KDM4C: variants seen among roughly 807,000 people sequenced by gnomAD.
KDM4C encodes lysine-specific demethylase 4C.
Under a neutral mutation model 129.3 loss-of-function variants are expected in KDM4C, and 81 were observed. The observed-to-expected ratio is 0.63, with a 90% confidence interval of 0.52 to 0.75. KDM4C has a LOEUF of 0.75. Among genes scored for constraint, KDM4C ranks in the 30% least tolerant of loss-of-function variants. KDM4C has a pLI of 0.00. For synonymous variants in KDM4C, 573 were observed against 456.1 expected (o/e 1.26, Z -3.26); for missense variants, 1,457 against 1,304.0 (o/e 1.12, Z -1.81).
At chr9:7,055,327 G>C (rs1422112957) in intron 17 of KDM4C, among the ~76,000 whole-genome samples, 2 of 152,232 alleles carry the variant, frequency 1.3e-5, no homozygotes, top group South Asian at 2.1e-4. Context: ...CAACCAAATA[G>C]AGGGAGAAAT....
In KDM4C at chr9:6,811,618, A is replaced by G. The variant is rs145732200; in HGVS notation, c.321-3013A>G. On this transcript the variant is annotated intron_variant, in intron 3 of 21. Coordinates refer to ENST00000381309, the MANE Select transcript of KDM4C (RefSeq NM_015061.6). Reference sequence around the variant, plus strand: ...AATGGTAGGTAATATGAATCACATTACTGATGTGTACTTTCCTCTAGGCAC... The same window carrying G: ...AATGGTAGGTAATATGAATCACATTGCTGATGTGTACTTTCCTCTAGGCAC... Among the ~76,000 whole-genome samples the G allele has an allele frequency of 3.9e-5, 6 of 152,330 alleles. No individual in the cohort carries two copies. In the East Asian group the frequency reaches 1.2e-3, roughly 29 times the overall value.
intron 19 of KDM4C, among the ~76,000 whole-genome samples, chr9:7,142,019 A>G (rs900656120): frequency 6.6e-6 from 1 of 152,210 alleles, no homozygotes; most frequent in East Asian, 1.9e-4. Flanking sequence ...GTATGAAAAT[A>G]TATTTACCCT....
intron 5 of KDM4C, among the ~76,000 whole-genome samples, chr9:6,859,793 A>G (rs1840594173): frequency 6.7e-6 from 1 of 150,130 alleles, no homozygotes; most frequent in Non-Finnish European, 1.5e-5. Context: ...TGAACCTGAG[A>G]TGCGGAGCTT....
At chr9:6,807,081 G>C (rs1026308366) in intron 3 of KDM4C, among the ~76,000 whole-genome samples, 34 of 151,980 alleles carry the variant, frequency 2.2e-4, no homozygotes, top group Admixed American at 1.8e-3. Context: ...GTGGAGACGG[G>C]GTTTCGCTGT....
intron 21 of KDM4C, among the ~76,000 whole-genome samples, chr9:7,172,004 C>T (rs59687535): frequency 4.6e-5 from 7 of 152,234 alleles, no homozygotes; most frequent in East Asian, 1.9e-4. Context: ...ACAGTCTTGT[C>T]GTAGCCAGCC....
At chr9:6,778,158 C>T (rs549244459) in intron 1 of KDM4C, among the ~76,000 whole-genome samples, 245 of 150,640 alleles carry the variant, frequency 1.6e-3, no homozygotes, top group African/African-American at 5.8e-3. Flanking sequence ...GGCATGATCT[C>T]GTCTTACTGC....
chr9:6,761,184 A>G (rs1001764726), intron 1 of KDM4C, among the ~76,000 whole-genome samples: 1 of 150,362 alleles, frequency 6.7e-6, no homozygotes, highest in East Asian at 2.0e-4. Flanking sequence ...TAATTTTTGT[A>G]TTTTTGTAGA....
chr9:7,121,447 T>C (rs1291754498), intron 18 of KDM4C, among the ~76,000 whole-genome samples: 1 of 152,198 alleles, frequency 6.6e-6, no homozygotes, highest in Non-Finnish European at 1.5e-5. Context: ...TTACTTCTGC[T>C]ATATTCTTTT....
At chr9:7,112,071 TG>T (rs963238844) in intron 18 of KDM4C, among the ~76,000 whole-genome samples, 9 of 151,932 alleles carry the variant, frequency 5.9e-5, no homozygotes, top group Admixed American at 5.9e-4. Context: ...ATGCACAAAG[TG>T]GGTCATGCTG....
intron 21 of KDM4C, chr9:7,170,786 G>A (rs1844876826): frequency 2.0e-6 from 2 of 983,172 alleles, no homozygotes; most frequent in Non-Finnish European, 1.2e-6. Context: ...AGATTATTTG[G>A]TTATTTTGGA....
intron 15 of KDM4C, among the ~76,000 whole-genome samples, chr9:7,042,341 A>G (rs1828738902): frequency 6.6e-6 from 1 of 152,026 alleles, no homozygotes; most frequent in Non-Finnish European, 1.5e-5. Context: ...AATTTGATTC[A>G]TTTAGCCTGA....
intron 15 of KDM4C, among the ~76,000 whole-genome samples, chr9:7,037,168 G>A (rs1438142438): frequency 6.6e-6 from 1 of 152,198 alleles, no homozygotes; most frequent in Non-Finnish European, 1.5e-5. Flanking sequence ...AGCTCAGAGA[G>A]CCCTATTTTA....
At chr9:7,120,441 A>G (rs1408572649) in intron 18 of KDM4C, among the ~76,000 whole-genome samples, 1 of 151,986 alleles carries the variant, frequency 6.6e-6, no homozygotes, top group African/African-American at 2.4e-5. Flanking sequence ...TGGAGAGAAA[A>G]CTCTTCTACA....
intron 15 of KDM4C, among the ~76,000 whole-genome samples, chr9:7,025,503 T>C (rs12236552): frequency 0.06 from 9,116 of 152,298 alleles, 324 homozygotes; most frequent in East Asian, 0.12. Context: ...TCTTCCTTTT[T>C]ATTTTTTAGG....
Position 6,758,009 on chromosome 9 carries a change from C to T in KDM4C, c.-212C>T, listed in dbSNP as rs1202002126. Reference sequence around the variant, plus strand: ...TGCGCGCGCCTTCGCCGCTGCCTCCCACCCACCCCCTCGACGGGAGGGTGA... The same window carrying T: ...TGCGCGCGCCTTCGCCGCTGCCTCCTACCCACCCCCTCGACGGGAGGGTGA... On this transcript the variant is annotated 5_prime_UTR_variant, in exon 1 of 22. Transcript: ENST00000381309. The surrounding 1 kb of genome is among the most constrained non-coding windows in gnomAD (Gnocchi z 4.6). 5.1e-6 allele frequency: 5 copies of T among 985,262 alleles called. No individual in the cohort carries two copies. The highest frequency in any genetic ancestry group is 1.1e-4 in the East Asian group (1 of 8,816). 61.0% of individuals were successfully genotyped at this position (985,262 alleles called of 1,614,324 possible).
At chr9:6,726,353 C>G (rs941204890) in intron 1 of KDM4C, 1 of 152,248 alleles carries the variant, frequency 6.6e-6, no homozygotes, top group South Asian at 2.1e-4. Context: ...GATCAAGAAT[C>G]TCTAATAGTT....
intron 3 of KDM4C, among the ~76,000 whole-genome samples, chr9:6,808,050 GCCCGGCCGCC>G (rs1222721881): frequency 1.6e-4 from 16 of 100,282 alleles, no homozygotes; most frequent in South Asian, 1.4e-3. Context: ...GGGCGCCTCT[GCCCGGCCGCC>G]CCTGCTGGGA....
intron 5 of KDM4C, among the ~76,000 whole-genome samples, chr9:6,863,363 G>GA (rs1841320536): frequency 6.6e-6 from 1 of 152,000 alleles, no homozygotes; most frequent in Non-Finnish European, 1.5e-5. Flanking sequence ...AATTTATAAA[G>GA]AAAAAAGATT....
intron 8 of KDM4C, among the ~76,000 whole-genome samples, chr9:6,971,711 AG>A (rs1832016110): frequency 1.3e-5 from 2 of 152,208 alleles, no homozygotes; most frequent in African/African-American, 4.8e-5. Context: ...ATATTAATTA[AG>A]GCAGACTTCC....
Sources: allele counts gnomAD v4.1 joint callset (sites outside exome capture counted in the v4.1 genomes callset), GRCh38; gene constraint gnomAD v4.1.1; non-coding constraint Gnocchi (gnomAD v3.1); transcripts MANE v1.5; gene names NCBI Gene and HGNC (gene_info 2026-07-23, HGNC 2026-07-21).